The following PCID2 variants were observed in gnomAD, a reference collection of about 807,000 sequenced individuals.
PCID2 encodes PCI domain-containing protein 2.
Under a neutral mutation model 61.3 loss-of-function variants are expected in PCID2, and 41 were observed. That is an observed-to-expected ratio of 0.67 (90% CI 0.52 to 0.87). The LOEUF is 0.87. Ranked by LOEUF, PCID2 falls within the 40% of genes least tolerant of loss-of-function variation. The pLI, the probability that PCID2 is intolerant of heterozygous loss-of-function variation, is 0.00. For missense variants in PCID2, 392 were observed against 493.4 expected, an observed-to-expected ratio of 0.79 and a Z score of 1.95; for synonymous variants, 187 against 177.8, an observed-to-expected ratio of 1.05 and a Z score of -0.41.
At position 113,195,080 on chromosome 13, in the gene PCID2, A is replaced by G. The variant is rs746812064; in HGVS notation, c.354T>C (p.Phe118=). 6.2e-7 allele frequency: 1 copy of G among 1,606,884 alleles called. No homozygotes were observed. The highest frequency in any genetic ancestry group is 1.1e-5 in the South Asian group (1 of 90,948). The change falls in exon 6 of 14, where the codon TTT becomes TTC. Residue 118 remains phenylalanine (F), a synonymous_variant. Coordinates refer to ENST00000337344, the MANE Select transcript of PCID2 (RefSeq NM_001127202.4). ...AGCAAATTAAACTTACATTATTGGCAAACACTCGAAGGTCAAGCGCTACTG... is the reference window on the plus strand; with the variant it reads ...AGCAAATTAAACTTACATTATTGGCGAACACTCGAAGGTCAAGCGCTACTG... ...MYAVALDLRV[F]ANNADQQLVK... is the part of the protein sequence containing the mutation.
intron 7 of PCID2, among the ~76,000 whole-genome samples, chr13:113,189,480 T>C (rs996019401): frequency 2.6e-5 from 4 of 152,164 alleles, no homozygotes; most frequent in Non-Finnish European, 5.9e-5. Context: ...CTGGGAACAA[T>C]AGTTTTTTGT....
chr13:113,204,876 T>C (rs552339200), intron 1 of PCID2, among the ~76,000 whole-genome samples: 1 of 152,138 alleles, frequency 6.6e-6, no homozygotes, highest in African/African-American at 2.4e-5. Flanking sequence ...TGCAGAGCCT[T>C]CAGCCCTCAA....
chr13:113,171,878 G>A, the PCID2 span: 1 of 1,613,712 alleles, frequency 6.2e-7, no homozygotes, highest in Non-Finnish European at 8.5e-7. The surrounding 1 kb of genome is among the most constrained non-coding windows in gnomAD (Gnocchi z 5.1). Context: ...GGAGGGGGAG[G>A]AGTGCGGGCA....
At chr13:113,186,716 A>G (rs78742676) in intron 7 of PCID2, 1 of 152,248 alleles carries the variant, frequency 6.6e-6, no homozygotes, top group Non-Finnish European at 1.5e-5. Flanking sequence ...AGCTGCCTAC[A>G]GCATTTAGTG....
intron 1 of PCID2, chr13:113,208,271 G>A: frequency 3.5e-6 from 5 of 1,440,808 alleles, no homozygotes; most frequent in Non-Finnish European, 4.5e-6. Flanking sequence ...GTGGCCCGCA[G>A]GCCCTTCGGA....
the PCID2 span, among the ~76,000 whole-genome samples, chr13:113,169,937 A>C: frequency 6.6e-6 from 1 of 152,240 alleles, no homozygotes; most frequent in Admixed American, 6.5e-5. Context: ...TCTGTTCTGC[A>C]AACTCCAGCC....
chr13:113,190,023 CA>C (rs1171070892), intron 7 of PCID2, among the ~76,000 whole-genome samples: 139 of 131,368 alleles, frequency 1.1e-3, no homozygotes, highest in Middle Eastern at 3.9e-3. Flanking sequence ...AGTCTTGTCT[CA>C]AAAAAAAAAA....
chr13:113,180,145 T>C lies in PCID2; in HGVS notation c.860+13A>G, dbSNP rs2037501295. On this transcript the variant is annotated intron_variant, in intron 11 of 13. Transcript: ENST00000337344. The stretch of plus-strand genomic sequence containing the variant: ...TTTTTAAAACCCCAAACAGGAAGGA[T>C]GGCATACTCTACCTCACAGCTCTGG... 6.2e-7 allele frequency: 1 copy of C among 1,613,524 alleles called. No homozygotes were observed. Among genetic ancestry groups the C allele is most frequent in the Admixed American group, 1.7e-5 (1 of 59,992 alleles).
chr13:113,204,499 G>C (rs915055709), intron 1 of PCID2, among the ~76,000 whole-genome samples: 1 of 152,198 alleles, frequency 6.6e-6, no homozygotes, highest in East Asian at 1.9e-4. Context: ...CTTTGCCTGT[G>C]ACCTCCCAGG....
At chr13:113,173,875 A>T (rs1280681671), downstream of PCID2, among the ~76,000 whole-genome samples, 1 of 152,208 alleles carries the variant, frequency 6.6e-6, no homozygotes, top group Non-Finnish European at 1.5e-5. Context: ...AAATGTCTGC[A>T]ATCTTGCTTC....
At chr13:113,200,737 T>G (rs922205547) in intron 1 of PCID2, 16 of 356,460 alleles carry the variant, frequency 4.5e-5, no homozygotes, top group Non-Finnish European at 7.7e-5. Context: ...TCTCGCTCTG[T>G]CGCCCAGGTC....
the PCID2 span, chr13:113,171,576 G>C: frequency 6.2e-6 from 10 of 1,613,910 alleles, no homozygotes; most frequent in Non-Finnish European, 8.5e-6. This position sits in a 1 kb window ranked among gnomAD's most constrained non-coding sequence, Gnocchi z 5.1. Flanking sequence ...AAGAACTGAC[G>C]ATTGTTCATG....
At chr13:113,194,439 C>G (rs1485723671) in intron 6 of PCID2, among the ~76,000 whole-genome samples, 1 of 152,164 alleles carries the variant, frequency 6.6e-6, no homozygotes, top group Non-Finnish European at 1.5e-5. Flanking sequence ...CCCCTCTTCT[C>G]TCCACCTCCC....
chr13:113,206,501 G>T (rs769013080), intron 1 of PCID2, among the ~76,000 whole-genome samples: 1 of 152,220 alleles, frequency 6.6e-6, no homozygotes, highest in Non-Finnish European at 1.5e-5. Context: ...GAGACTAAAG[G>T]AGGAGTCAAT....
At chr13:113,167,476 A>G in the PCID2 span, among the ~76,000 whole-genome samples, 6 of 152,238 alleles carry the variant, frequency 3.9e-5, no homozygotes, top group Non-Finnish European at 8.8e-5. Flanking sequence ...ATGTGGGCAC[A>G]TGCTTTATTT....
intron 6 of PCID2, 113 bp downstream of exon 6, chr13:113,194,958 A>T (rs2038899214): frequency 6.5e-6 from 5 of 767,148 alleles, no homozygotes; most frequent in South Asian, 1.4e-5. Flanking sequence ...TACCAGACAC[A>T]TCTCAACTCC....
chr13:113,207,285 G>A (rs2039948373), intron 1 of PCID2, among the ~76,000 whole-genome samples: 1 of 152,154 alleles, frequency 6.6e-6, no homozygotes, highest in African/African-American at 2.4e-5. Context: ...TTCTCTATAA[G>A]CTAAGTTGTA....
In PCID2 at chr13:113,180,047, T is replaced by A. The variant is rs762358193; in HGVS notation, c.861-5A>T. The A allele has an allele frequency of 1.9e-6, 3 of 1,613,744 alleles. No individual in the cohort carries two copies. Among genetic ancestry groups the A allele is most frequent in the Non-Finnish European group, 2.5e-6 (3 of 1,179,864 alleles). ...AGCAGCAGCAGGTTGCCCTCGCTGG[T>A]GAGGGGGGAGGCGCGTCAGAAGGAG... On this transcript the variant is annotated splice_polypyrimidine_tract_variant and splice_region_variant and intron_variant, in intron 11 of 13. Transcript: ENST00000337344.
At chr13:113,183,832 G>A (rs779187543) in intron 9 of PCID2, 12 of 985,114 alleles carry the variant, frequency 1.2e-5, no homozygotes, top group Middle Eastern at 5.2e-4. Flanking sequence ...GCGACACGCC[G>A]TGCGAGGCTG....
Sources: allele counts gnomAD v4.1 joint callset (sites outside exome capture counted in the v4.1 genomes callset), GRCh38; gene constraint gnomAD v4.1.1; non-coding constraint Gnocchi (gnomAD v3.1); transcripts MANE v1.5; gene names NCBI Gene and HGNC (gene_info 2026-07-23, HGNC 2026-07-21).